The following SPAG16 variants were observed in gnomAD, a reference collection of about 807,000 sequenced individuals.
The protein encoded by SPAG16 is sperm associated antigen 16.
A neutral mutation model predicts 80.4 loss-of-function variants in SPAG16; 86 were observed. The observed-to-expected ratio is 1.07, with a 90% CI of 0.90 to 1.28. The LOEUF is 1.28. Ranked by LOEUF, SPAG16 falls within the 50% of genes most tolerant of loss-of-function variation. The pLI, the probability that SPAG16 is intolerant of heterozygous loss-of-function variation, is 0.00. For missense variants in SPAG16, 870 were observed against 765.3 expected (o/e 1.14, Z -1.61); for synonymous variants, 294 against 265.9 (o/e 1.11, Z -1.03).
intron 14 of SPAG16, among the ~76,000 whole-genome samples, chr2:214,130,524 C>T (rs1239781154): frequency 1.3e-5 from 2 of 152,192 alleles, no homozygotes; most frequent in African/African-American, 4.8e-5. Context: ...AAAAATTTAA[C>T]ACCACTCGCT....
At chr2:214,006,985 C>T (rs950492093) in intron 12 of SPAG16, among the ~76,000 whole-genome samples, 1 of 152,098 alleles carries the variant, frequency 6.6e-6, no homozygotes, top group Non-Finnish European at 1.5e-5. Flanking sequence ...GTTCCTGAAT[C>T]ATTTAATTGG....
At chr2:213,977,556 C>T (rs1204257982) in intron 12 of SPAG16, among the ~76,000 whole-genome samples, 1 of 151,982 alleles carries the variant, frequency 6.6e-6, no homozygotes, top group Non-Finnish European at 1.5e-5. Flanking sequence ...TTTTAACATC[C>T]AACTAGGCAA....
intron 13 of SPAG16, among the ~76,000 whole-genome samples, chr2:214,021,164 CTT>C: frequency 6.6e-6 from 1 of 152,274 alleles, no homozygotes; most frequent in Non-Finnish European, 1.5e-5. Context: ...CTTTTAAACA[CTT>C]TGCTAAAAAA....
intron 15 of SPAG16, among the ~76,000 whole-genome samples, chr2:214,220,243 T>C (rs1195835320): frequency 6.6e-6 from 1 of 152,164 alleles, no homozygotes; most frequent in Non-Finnish European, 1.5e-5. Context: ...GATCTTCTTA[T>C]ATCTAATCTG....
chr2:213,319,435 A>G lies in SPAG16; in HGVS notation c.536+2079A>G, dbSNP rs917415106. 3.3e-5 allele frequency among the ~76,000 whole-genome samples: 5 copies of G among 152,038 alleles called. No individual in the cohort carries two copies. The East Asian group carries it at 9.6e-4, about 29-fold the overall frequency. On this transcript the variant is annotated intron_variant, in intron 5 of 15. Coordinates refer to ENST00000331683, the MANE Select transcript of SPAG16 (RefSeq NM_024532.5). ...GTATTGTCTATGGATGTAATGTACCATTTAGAATTTTATATTTTACATTAG... is the reference window on the plus strand; with the variant it reads ...GTATTGTCTATGGATGTAATGTACCGTTTAGAATTTTATATTTTACATTAG...
At chr2:213,317,123 A>C (rs2063429655) in intron 4 of SPAG16, 96 bp from the exon 5 acceptor site, 1 of 669,858 alleles carries the variant, frequency 1.5e-6, no homozygotes, top group Admixed American at 2.5e-5. Flanking sequence ...TAATTACTAT[A>C]ACACTCCCTG....
chr2:213,917,556 C>T (rs574300034), intron 11 of SPAG16, among the ~76,000 whole-genome samples: 4 of 152,036 alleles, frequency 2.6e-5, no homozygotes, highest in South Asian at 2.1e-4. Context: ...TGACTGTATT[C>T]GTGATTTCAC....
intron 10 of SPAG16, among the ~76,000 whole-genome samples, chr2:213,547,335 C>A (rs1575923755): frequency 6.6e-6 from 1 of 152,100 alleles, no homozygotes; most frequent in East Asian, 1.9e-4. Context: ...AATATTAAAT[C>A]CTTCCCTTGC....
chr2:213,385,967 ATAACTT>A (rs1432958072), intron 9 of SPAG16, among the ~76,000 whole-genome samples: 2 of 152,286 alleles, frequency 1.3e-5, no homozygotes, highest in African/African-American at 2.4e-5. Context: ...TTATTATACT[ATAACTT>A]TATAACAATA....
At chr2:213,443,181 A>G (rs2125538690) in intron 9 of SPAG16, among the ~76,000 whole-genome samples, 1 of 152,296 alleles carries the variant, frequency 6.6e-6, no homozygotes, top group East Asian at 1.9e-4. Context: ...GAGAGTACCT[A>G]ATATCTACTT....
chr2:214,303,475 T>C (rs1441041730), intron 15 of SPAG16, among the ~76,000 whole-genome samples: 2 of 152,220 alleles, frequency 1.3e-5, no homozygotes. Context: ...ATGGGGTTTC[T>C]GTTTAGAAAT....
At chr2:214,226,984 A>G (rs1242815814) in intron 15 of SPAG16, among the ~76,000 whole-genome samples, 1 of 152,104 alleles carries the variant, frequency 6.6e-6, no homozygotes, top group Non-Finnish European at 1.5e-5. Context: ...AGATGATTAA[A>G]ATATTAAGGA....
intron 15 of SPAG16, among the ~76,000 whole-genome samples, chr2:214,161,574 CAT>C (rs1206960731): frequency 2.0e-5 from 3 of 152,000 alleles, no homozygotes; most frequent in African/African-American, 2.4e-5. Flanking sequence ...CTTTTTCTCA[CAT>C]GTTTGTTGGT....
intron 1 of SPAG16, chr2:213,285,786 A>C: frequency 1.6e-6 from 1 of 630,428 alleles, no homozygotes. Context: ...TGGGTGCTTT[A>C]GTGTCATAAA....
At chr2:213,865,507 TAAATAAGA>T (rs1161031000) in intron 11 of SPAG16, among the ~76,000 whole-genome samples, 1 of 150,452 alleles carries the variant, frequency 6.6e-6, no homozygotes, top group Non-Finnish European at 1.5e-5. Context: ...TCTTTATCAT[TAAATAAGA>T]AAAAAAGAAA....
chr2:213,680,447 A>G (rs2064322934), intron 10 of SPAG16, among the ~76,000 whole-genome samples: 1 of 151,754 alleles, frequency 6.6e-6, no homozygotes, highest in South Asian at 2.1e-4. Context: ...AAAAAAAAAA[A>G]AGATGTTTTA....
chr2:213,565,357 A>G (rs927560163), intron 10 of SPAG16, among the ~76,000 whole-genome samples: 32 of 152,266 alleles, frequency 2.1e-4, no homozygotes, highest in East Asian at 5.8e-4. Context: ...TACAAGCTCA[A>G]TATAGACTTT....
At chr2:214,177,321 T>G (rs766421923) in intron 15 of SPAG16, among the ~76,000 whole-genome samples, 8 of 151,070 alleles carry the variant, frequency 5.3e-5, no homozygotes, top group Non-Finnish European at 8.9e-5. Flanking sequence ...CAGAATAGGT[T>G]CAAAATCTAA....
intron 3 of SPAG16, among the ~76,000 whole-genome samples, chr2:213,300,010 G>GTGTA (rs1405561997): frequency 5.9e-5 from 9 of 152,132 alleles, no homozygotes; most frequent in African/African-American, 2.2e-4. Flanking sequence ...CTTTTTATAA[G>GTGTA]TGTATTTTTG....
Sources: gnomAD v4.1 joint callset for allele counts (sites outside exome capture counted in the v4.1 genomes callset) on GRCh38, gnomAD v4.1.1 for gene constraint, MANE v1.5 for transcripts, NCBI Gene and HGNC (gene_info 2026-07-23, HGNC 2026-07-21) for gene names.